SUMF1: variants seen among roughly 807,000 people sequenced by gnomAD.
SUMF1 encodes sulfatase modifying factor 1.
Under a neutral mutation model 47.6 loss-of-function variants are expected in SUMF1, and 48 were observed. That is an observed-to-expected ratio of 1.01 (90% CI 0.80 to 1.28). The LOEUF (loss-of-function observed/expected upper bound fraction) is 1.28. Among genes scored for constraint, SUMF1 ranks in the 50% most tolerant of loss-of-function variants. The pLI, the probability that SUMF1 is intolerant of heterozygous loss-of-function variation, is 0.00. For synonymous variants in SUMF1, 230 were observed against 192.1 expected (o/e 1.20, Z -1.63); for missense variants, 571 against 485.4 (o/e 1.18, Z -1.66).
intron 8 of SUMF1, chr3:4,303,232 G>C (rs1698017141): frequency 1.1e-6 from 1 of 902,834 alleles, no homozygotes; most frequent in Non-Finnish European, 1.6e-6. Context: ...GTCAAGGAAG[G>C]GAAGCGCCTT....
At chr3:4,411,037 T>A in intron 6 of SUMF1, 59 bp from the exon 7 acceptor site, 1 of 1,344,830 alleles carries the variant, frequency 7.4e-7, no homozygotes, top group Non-Finnish European at 1.1e-6. Context: ...AAAAACATCT[T>A]CAGTGCAGAA....
intron 8 of SUMF1, among the ~76,000 whole-genome samples, chr3:4,083,274 A>C (rs1254412885): frequency 2.0e-5 from 3 of 152,188 alleles, no homozygotes; most frequent in Non-Finnish European, 4.4e-5. Context: ...CCTACCCTTT[A>C]AACATGACAT....
rs139942028 is a variant in SUMF1, at chr3:4,298,084, A to G, written c.1014+78246T>C. 4.4e-4 allele frequency among the ~76,000 whole-genome samples: 67 copies of G among 152,248 alleles called. 1 individual carries two copies. In the East Asian group the frequency reaches 0.012, roughly 28 times the overall value. On this transcript the variant is annotated intron_variant and NMD_transcript_variant, in intron 8 of 12. Transcript: ENST00000448413. ...TGATCAGATTAGTTTCTCTTCTGCCAGTGAAAAATCCAAAAGAAATCTGAA... is the reference window on the plus strand; with the variant it reads ...TGATCAGATTAGTTTCTCTTCTGCCGGTGAAAAATCCAAAAGAAATCTGAA...
At chr3:4,074,230 T>C (rs577937952) in intron 8 of SUMF1, among the ~76,000 whole-genome samples, 1 of 152,272 alleles carries the variant, frequency 6.6e-6, no homozygotes, top group East Asian at 1.9e-4. Context: ...AACCTGCTCC[T>C]CAATGACTAC....
At chr3:4,392,637 A>ATC (rs1700908978) in intron 7 of SUMF1, among the ~76,000 whole-genome samples, 1 of 148,274 alleles carries the variant, frequency 6.7e-6, no homozygotes, top group African/African-American at 2.5e-5. Flanking sequence ...ATATATATAT[A>ATC]TATCTACCTA....
intron 1 of SUMF1, among the ~76,000 whole-genome samples, chr3:4,465,472 C>T (rs1263054656): frequency 6.8e-6 from 1 of 148,082 alleles, no homozygotes; most frequent in African/African-American, 2.5e-5. Flanking sequence ...AGCGAGACTC[C>T]GTCTAAAAAA....
At chr3:4,419,658 C>T (rs1701826771) in intron 4 of SUMF1, among the ~76,000 whole-genome samples, 2 of 152,184 alleles carry the variant, frequency 1.3e-5, no homozygotes, top group African/African-American at 4.8e-5. Flanking sequence ...AAGGCCTGGG[C>T]TTCCACAGTG....
chr3:4,242,451 A>G (rs1362998506), intron 8 of SUMF1, among the ~76,000 whole-genome samples: 2 of 152,192 alleles, frequency 1.3e-5, no homozygotes, highest in East Asian at 3.9e-4. Flanking sequence ...CGTTCCATCA[A>G]CACCTAGTTT....
intron 9 of SUMF1, among the ~76,000 whole-genome samples, chr3:4,058,190 G>A (rs986969166): frequency 1.3e-5 from 2 of 151,996 alleles, no homozygotes; most frequent in Admixed American, 6.6e-5. Flanking sequence ...TTGAATCCAG[G>A]CAATATAGCA....
intron 9 of SUMF1, among the ~76,000 whole-genome samples, chr3:4,053,523 T>A (rs1464991654): frequency 2.0e-5 from 3 of 151,970 alleles, no homozygotes; most frequent in African/African-American, 4.8e-5. Context: ...TGAAAAACAA[T>A]AAAGCACAAT....
intron 3 of SUMF1, among the ~76,000 whole-genome samples, chr3:4,436,866 A>T (rs1359736750): frequency 5.6e-4 from 15 of 27,014 alleles, no homozygotes; most frequent in Middle Eastern, 0.018. Context: ...AAAAAAAAAT[A>T]CAAAAAACAA....
At chr3:4,250,881 T>C (rs1696786407) in intron 8 of SUMF1, among the ~76,000 whole-genome samples, 2 of 152,232 alleles carry the variant, frequency 1.3e-5, no homozygotes, top group Non-Finnish European at 2.9e-5. Flanking sequence ...ATGTACCTGT[T>C]TACCCACGGG....
intron 7 of SUMF1, among the ~76,000 whole-genome samples, chr3:4,378,171 T>C (rs190778156): frequency 1.8e-4 from 28 of 152,322 alleles, no homozygotes; most frequent in Non-Finnish European, 3.2e-4. Context: ...CAGCTTAGCC[T>C]AGCCTACCTT....
intron 3 of SUMF1, among the ~76,000 whole-genome samples, chr3:4,445,848 A>G (rs1702763118): frequency 6.6e-6 from 1 of 152,244 alleles, no homozygotes; most frequent in South Asian, 2.1e-4. Flanking sequence ...CTATAGTTAT[A>G]TAAGATGGTA....
intron 8 of SUMF1, among the ~76,000 whole-genome samples, chr3:4,078,005 G>A (rs1343703538): frequency 6.6e-6 from 1 of 151,902 alleles, no homozygotes; most frequent in Non-Finnish European, 1.5e-5. Context: ...TTTTAAACAA[G>A]AGGGCCCATA....
intron 8 of SUMF1, among the ~76,000 whole-genome samples, chr3:4,106,536 C>T (rs879082747): frequency 1.3e-5 from 2 of 152,094 alleles, no homozygotes; most frequent in Non-Finnish European, 2.9e-5. Flanking sequence ...GAAATTCCAA[C>T]TGTTTGAAGT....
rs549536162 is a variant in SUMF1, at chr3:4,104,028, G to A, written c.1015-35283C>T. 7.9e-5 allele frequency among the ~76,000 whole-genome samples: 12 copies of A among 152,244 alleles called. No individual in the cohort carries two copies. In the East Asian group the frequency reaches 2.1e-3, roughly 27 times the overall value. ...GAAGTCTGGATATGAGAAGATGAGAGACCATGCTGGAAATTTTCATTTAGC... is the reference window on the plus strand; with the variant it reads ...GAAGTCTGGATATGAGAAGATGAGAAACCATGCTGGAAATTTTCATTTAGC... On this transcript the variant is annotated intron_variant and NMD_transcript_variant, in intron 8 of 12. Transcript: ENST00000448413.
rs73809335 is a variant in SUMF1 at position 4,161,199 on chromosome 3, G to C, written c.1015-92454C>G. Reference sequence around the variant, plus strand: ...CAAACGGAGTCTCTCTCTTTGTGCTGTGCTGCCTGGAGCTAGGGGAGGGTG... The same window carrying C: ...CAAACGGAGTCTCTCTCTTTGTGCTCTGCTGCCTGGAGCTAGGGGAGGGTG... On this transcript the variant is annotated intron_variant and NMD_transcript_variant, in intron 8 of 12. Transcript: ENST00000448413. Among the ~76,000 whole-genome samples, 985 of 152,206 alleles carry C rather than the reference G, an allele frequency of 6.5e-3. 21 individuals carry two copies. Among genetic ancestry groups the C allele is most frequent in the African/African-American group, 0.023 (945 of 41,524 alleles).
chr3:4,378,041 C>T (rs887082210), intron 7 of SUMF1, among the ~76,000 whole-genome samples: 1 of 152,212 alleles, frequency 6.6e-6, no homozygotes, highest in African/African-American at 2.4e-5. Context: ...ACCTTCTAAG[C>T]ATTTCCAGGT....
Sources: allele counts gnomAD v4.1 joint callset (sites outside exome capture counted in the v4.1 genomes callset), GRCh38; gene constraint gnomAD v4.1.1; transcripts MANE v1.5; gene names NCBI Gene and HGNC (gene_info 2026-07-23, HGNC 2026-07-21).